Variants in DAPK2 observed in about 807,000 individuals in gnomAD.
DAPK2 encodes death associated protein kinase 2, also known as death-associated protein kinase 2.
Under a neutral mutation model 44.1 loss-of-function variants are expected in DAPK2, and 35 were observed. The ratio of observed to expected loss-of-function variants is 0.79; its 90% CI spans 0.61 to 1.05. DAPK2 has a LOEUF of 1.05. Ranked by LOEUF, DAPK2 falls within the 50% of genes least tolerant of loss-of-function variation. The pLI is 0.00. For missense variants in DAPK2, 453 were observed against 483.2 expected, an observed-to-expected ratio of 0.94 and a Z score of 0.59; for synonymous variants, 174 against 182.6, an observed-to-expected ratio of 0.95 and a Z score of 0.38.
upstream of DAPK2, chr15:64,040,385 C>G (rs767971560): frequency 8.0e-6 from 6 of 751,396 alleles, no homozygotes; most frequent in African/African-American, 8.7e-5. Flanking sequence ...TAATCCACAG[C>G]CTTGGTTCTT....
In DAPK2 at chr15:63,982,283, C is replaced by G. The variant is rs1870637; in HGVS notation, c.314+1250G>C. Among the ~76,000 whole-genome samples, 1,393 of 151,532 alleles carry G rather than the reference C, an allele frequency of 9.2e-3. 12 individuals are homozygous for G. Among genetic ancestry groups the G allele is most frequent in the African/African-American group, 0.033 (1,342 of 41,170 alleles). ...TCGGCTTACTGCAACCTCCGCCTCC[C>G]GGGTTCAAGCAATTCTACTGCTTCA... On this transcript the variant is annotated intron_variant, in intron 2 of 10. Coordinates refer to ENST00000261891, the Ensembl canonical transcript of DAPK2.
chr15:64,027,958 C>T (rs557827383), intron 1 of DAPK2, among the ~76,000 whole-genome samples: 1 of 152,276 alleles, frequency 6.6e-6, no homozygotes, highest in Non-Finnish European at 1.5e-5. Flanking sequence ...CAGTGAGAAA[C>T]AACAGGGGAA....
intron 1 of DAPK2, among the ~76,000 whole-genome samples, chr15:64,035,142 T>G (rs1055069418): frequency 1.3e-5 from 2 of 150,540 alleles, no homozygotes; most frequent in African/African-American, 4.9e-5. Flanking sequence ...CACTCCAGCC[T>G]GGGCGACAGA....
Position 63,923,480 on chromosome 15 carries a change from T to C in DAPK2, c.858+1336A>G. 7.0e-7 allele frequency: 1 copy of C among 1,432,226 alleles called. No individual in the cohort carries two copies. Among genetic ancestry groups the C allele is most frequent in the South Asian group, 1.5e-5 (1 of 68,758 alleles). The allele number at this position is 1,432,226 out of a possible 1,614,324, so 88.7% of individuals were successfully genotyped here. A position where few individuals can be genotyped will look rare whatever the true frequency, so the allele number is the denominator to read the frequency against. The stretch of plus-strand genomic sequence containing the variant: ...CGTCAGGCCATGGGGAGAACCAGGG[T>C]GGGATGAGCACCTCCTTAGGCCATA... On this transcript the variant is annotated intron_variant, in intron 8 of 10. Coordinates refer to ENST00000261891, the Ensembl canonical transcript of DAPK2. This position sits in a 1 kb window ranked among gnomAD's most constrained non-coding sequence, Gnocchi z 4.2.
chr15:63,958,481 T>C (rs1162725893), intron 3 of DAPK2, among the ~76,000 whole-genome samples: 1 of 152,190 alleles, frequency 6.6e-6, no homozygotes, highest in East Asian at 1.9e-4. Flanking sequence ...GTTTTTATGG[T>C]TTTAGGTCTA....
intron 3 of DAPK2, among the ~76,000 whole-genome samples, chr15:63,956,557 T>G (rs2077728071): frequency 1.3e-5 from 2 of 152,094 alleles, no homozygotes; most frequent in African/African-American, 2.4e-5. Context: ...TCCATTGTGG[T>G]CAGAGAAGAT....
rs1249505009 is a variant in DAPK2 at position 64,046,234 on chromosome 15, C to G, written c.-7+64G>C. 1.4e-6 allele frequency: 1 copy of G among 703,000 alleles called. No homozygotes were observed. Among genetic ancestry groups the G allele is most frequent in the Non-Finnish European group, 1.7e-6 (1 of 571,648 alleles). The allele number at this position is 703,000 out of a possible 1,614,324, so 43.5% of individuals were successfully genotyped here. On this transcript the variant is annotated intron_variant, in intron 1 of 11. Transcript: ENST00000457488. This position sits in a 1 kb window ranked among gnomAD's most constrained non-coding sequence, Gnocchi z 5.3. ...TCGCCCCGCCAGCCCCAGACCCGGG[C>G]GCTGCTGCCGTCAGGCCGCGCGCCC...
chr15:63,940,604 C>T (rs964761830), intron 3 of DAPK2, among the ~76,000 whole-genome samples: 3 of 151,854 alleles, frequency 2.0e-5, no homozygotes, highest in East Asian at 1.9e-4. Flanking sequence ...CCCAGCTGCT[C>T]GGGAGGCTGA....
intron 2 of DAPK2, among the ~76,000 whole-genome samples, chr15:63,978,086 G>C (rs926428150): frequency 6.6e-6 from 1 of 152,136 alleles, no homozygotes; most frequent in African/African-American, 2.4e-5. Flanking sequence ...CATTCAATCA[G>C]AAGTTTGGTG....
intron 3 of DAPK2, chr15:63,942,280 G>T (rs2077329582): frequency 1.0e-6 from 1 of 984,984 alleles, no homozygotes; most frequent in Admixed American, 6.1e-5. Context: ...GCCGGGCACA[G>T]TGGCTCACAC....
At chr15:64,044,131 G>A (rs779879251), upstream of DAPK2, among the ~76,000 whole-genome samples, 2 of 152,142 alleles carry the variant, frequency 1.3e-5, no homozygotes, top group East Asian at 1.9e-4. Flanking sequence ...TTCCAGCCTC[G>A]AAAAGCTGAA....
chr15:64,026,888 G>A (rs760299492), intron 1 of DAPK2, among the ~76,000 whole-genome samples: 1 of 152,148 alleles, frequency 6.6e-6, no homozygotes, highest in Non-Finnish European at 1.5e-5. Context: ...CTTACAAAAT[G>A]GGAACTATTA....
At chr15:63,965,475 T>C (rs933980744) in intron 3 of DAPK2, among the ~76,000 whole-genome samples, 2 of 152,164 alleles carry the variant, frequency 1.3e-5, no homozygotes, top group African/African-American at 2.4e-5. Context: ...CTATGTTTGC[T>C]CAAGGCCCTA....
chr15:64,014,039 G>T (rs1349373212), intron 1 of DAPK2, among the ~76,000 whole-genome samples: 2 of 152,210 alleles, frequency 1.3e-5, no homozygotes, highest in Non-Finnish European at 2.9e-5. Context: ...CACCAACACA[G>T]GTCAAGTGTT....
rs771675974 is a variant in DAPK2 at position 63,990,076 on chromosome 15, A to ACCCTCTGT, written c.93-6330_93-6323dup. On this transcript the variant is annotated intron_variant, in intron 1 of 10. Coordinates refer to ENST00000261891, the Ensembl canonical transcript of DAPK2. This position sits in a 1 kb window ranked among gnomAD's most constrained non-coding sequence, Gnocchi z 4.3. Reference sequence around the variant, plus strand: ...ACCACTCGCACTGCCACCCACCCTCACCCTCTGTGGTAAGCCACAGCCAAC... The same window carrying ACCCTCTGT: ...ACCACTCGCACTGCCACCCACCCTCACCCTCTGTCCCTCTGTGGTAAGCCACAGCCAAC... Among the ~76,000 whole-genome samples the ACCCTCTGT allele has an allele frequency of 6.6e-6, 1 of 151,916 alleles. No individual in the cohort carries two copies. The highest frequency in any genetic ancestry group is 1.5e-5 in the Non-Finnish European group (1 of 67,982).
chr15:63,968,846 G>A (rs1282849936), intron 3 of DAPK2, among the ~76,000 whole-genome samples: 3 of 152,148 alleles, frequency 2.0e-5, no homozygotes, highest in Non-Finnish European at 2.9e-5. Context: ...GTGCCTGTTG[G>A]GCTCCAGCCA....
At chr15:63,955,910 A>C (rs2077709581) in intron 3 of DAPK2, among the ~76,000 whole-genome samples, 1 of 152,220 alleles carries the variant, frequency 6.6e-6, no homozygotes, top group East Asian at 1.9e-4. Context: ...ATTTAGCAGT[A>C]AAGCCATAGG....
intron 1 of DAPK2, among the ~76,000 whole-genome samples, chr15:64,012,891 T>C (rs1433222918): frequency 1.3e-5 from 2 of 152,264 alleles, no homozygotes; most frequent in African/African-American, 4.8e-5. Flanking sequence ...ATGTTAAGCA[T>C]TCTATCTGGG....
chr15:63,927,251 A>G (rs2079317057), intron 6 of DAPK2, among the ~76,000 whole-genome samples: 1 of 152,160 alleles, frequency 6.6e-6, no homozygotes, highest in Non-Finnish European at 1.5e-5. Flanking sequence ...CCCATCTTCT[A>G]CAGGATCACA....
Sources: allele counts gnomAD v4.1 joint callset (sites outside exome capture counted in the v4.1 genomes callset), GRCh38; gene constraint gnomAD v4.1.1; non-coding constraint Gnocchi (gnomAD v3.1); transcripts MANE v1.5; gene names NCBI Gene and HGNC (gene_info 2026-07-23, HGNC 2026-07-21).